The following KCNU1 variants were observed in gnomAD, a reference collection of about 807,000 sequenced individuals.
KCNU1 encodes potassium calcium-activated channel subfamily U member 1.
A neutral mutation model predicts 126.8 loss-of-function variants in KCNU1; 93 were observed. That is an observed-to-expected ratio of 0.73 (90% CI 0.62 to 0.87). The LOEUF is 0.87. Among genes scored for constraint, KCNU1 ranks in the 40% least tolerant of loss-of-function variants. The pLI, the probability that KCNU1 is intolerant of heterozygous loss-of-function variation, is 0.00. For synonymous variants in KCNU1, 523 were observed against 494.2 expected, an observed-to-expected ratio of 1.06 and a Z score of -0.77; for missense variants, 1,330 against 1,367.1, an observed-to-expected ratio of 0.97 and a Z score of 0.43.
intron 23 of KCNU1, among the ~76,000 whole-genome samples, chr8:36,922,034 G>C (rs1808368373): frequency 6.6e-6 from 1 of 152,192 alleles, no homozygotes; most frequent in African/African-American, 2.4e-5. Flanking sequence ...GGGCTTAAGT[G>C]ACTCTAGGAA....
At chr8:36,912,753 C>G (rs745924965) in intron 22 of KCNU1, among the ~76,000 whole-genome samples, 27 of 151,986 alleles carry the variant, frequency 1.8e-4, no homozygotes, top group Admixed American at 9.2e-4. Context: ...GGGGGGATCA[C>G]AAGGTCAGGA....
At chr8:36,820,550 T>C (rs532113900) in intron 10 of KCNU1, among the ~76,000 whole-genome samples, 14 of 151,996 alleles carry the variant, frequency 9.2e-5, no homozygotes, top group African/African-American at 3.4e-4. Flanking sequence ...CTAAGAAGAT[T>C]TCCCAAAAGA....
intron 5 of KCNU1, 86 bp from the exon 6 acceptor site, chr8:36,807,289 A>T: frequency 1.1e-6 from 1 of 886,494 alleles, no homozygotes; most frequent in Non-Finnish European, 1.9e-6. Flanking sequence ...AAAAGAATGT[A>T]AGTGATTCCA....
intron 22 of KCNU1, among the ~76,000 whole-genome samples, chr8:36,914,630 T>C (rs373290430): frequency 2.0e-5 from 3 of 152,280 alleles, no homozygotes; most frequent in Admixed American, 6.5e-5. Flanking sequence ...GTGAGGAATC[T>C]CTGAAGAATC....
chr8:36,818,562 T>C (rs1804006084), intron 10 of KCNU1, among the ~76,000 whole-genome samples: 1 of 152,206 alleles, frequency 6.6e-6, no homozygotes, highest in South Asian at 2.1e-4. Context: ...ATTCTTTTAG[T>C]GTTTAAGATC....
At chr8:36,840,300 G>A (rs993907867) in intron 14 of KCNU1, among the ~76,000 whole-genome samples, 163 bp from the exon 15 acceptor site, 1 of 152,166 alleles carries the variant, frequency 6.6e-6, no homozygotes, top group African/African-American at 2.4e-5. Context: ...TAGCTTTTTA[G>A]TTATTCCTTT....
chr8:36,818,015 A>G (rs1311390316), intron 10 of KCNU1, among the ~76,000 whole-genome samples: 1 of 152,232 alleles, frequency 6.6e-6, no homozygotes, highest in African/African-American at 2.4e-5. Context: ...GTTACTCTAC[A>G]CGTTATTATC....
At chr8:36,814,172 T>A in intron 7 of KCNU1, 35 bp from the exon 8 acceptor site, 1 of 1,559,196 alleles carries the variant, frequency 6.4e-7, no homozygotes, top group Non-Finnish European at 8.8e-7. Context: ...TTGGATTCTA[T>A]TCAGATGTTT....
chr8:36,897,191 T>C (rs1807227096), intron 19 of KCNU1, among the ~76,000 whole-genome samples: 1 of 151,952 alleles, frequency 6.6e-6, no homozygotes, highest in Admixed American at 6.6e-5. Context: ...TGTGTGTGTT[T>C]GGTGGTGATT....
At chr8:36,787,751 G>A (rs1465832657) in intron 2 of KCNU1, among the ~76,000 whole-genome samples, 1 of 147,000 alleles carries the variant, frequency 6.8e-6, no homozygotes, top group Non-Finnish European at 1.5e-5. Context: ...GTAATAATAT[G>A]TAATTGTATA....
chr8:36,867,934 C>T (rs537938154), intron 19 of KCNU1, among the ~76,000 whole-genome samples: 2 of 152,190 alleles, frequency 1.3e-5, no homozygotes, highest in East Asian at 3.9e-4. Context: ...CCCAAGTAGA[C>T]CAGAGATTGT....
At chr8:36,930,746 T>G (rs746452990) in intron 24 of KCNU1, among the ~76,000 whole-genome samples, 2 of 152,154 alleles carry the variant, frequency 1.3e-5, no homozygotes, top group South Asian at 2.1e-4. Context: ...GGGTCAGTAT[T>G]GTTTTCTCTG....
At chr8:36,797,570 T>G (rs1803146426) in intron 2 of KCNU1, among the ~76,000 whole-genome samples, 1 of 152,154 alleles carries the variant, frequency 6.6e-6, no homozygotes, top group South Asian at 2.1e-4. Context: ...AAACCTAATT[T>G]TATCAGTTTT....
intron 24 of KCNU1, chr8:36,929,049 T>C (rs775042539): frequency 1.1e-4 from 74 of 697,724 alleles, no homozygotes; most frequent in Non-Finnish European, 2.3e-5. Flanking sequence ...AAAAGGTAAG[T>C]ATTGCCATGT....
chr8:36,868,826 A>G (rs1027677789), intron 19 of KCNU1, among the ~76,000 whole-genome samples: 14 of 152,158 alleles, frequency 9.2e-5, no homozygotes, highest in African/African-American at 3.4e-4. Flanking sequence ...ATCACATGAT[A>G]TAAGAGAAAG....
chr8:36,920,228 C>T (rs1487650637), intron 23 of KCNU1, among the ~76,000 whole-genome samples: 1 of 152,162 alleles, frequency 6.6e-6, no homozygotes, highest in Non-Finnish European at 1.5e-5. Context: ...CCTGCAGACA[C>T]CAAAATCCAT....
intron 7 of KCNU1, among the ~76,000 whole-genome samples, chr8:36,811,757 C>G (rs1484692690): frequency 3.3e-5 from 5 of 151,460 alleles, no homozygotes; most frequent in Non-Finnish European, 7.4e-5. Flanking sequence ...CATGGCGAAA[C>G]CTCATCTCTA....
intron 10 of KCNU1, among the ~76,000 whole-genome samples, chr8:36,829,921 G>A (rs1390334698): frequency 6.6e-6 from 1 of 150,520 alleles, no homozygotes; most frequent in Non-Finnish European, 1.5e-5. Context: ...TCTTAGTACA[G>A]GAAAAACACA....
chr8:36,792,435 T>G (rs1802936523), intron 2 of KCNU1, among the ~76,000 whole-genome samples: 1 of 152,206 alleles, frequency 6.6e-6, no homozygotes, highest in Non-Finnish European at 1.5e-5. Flanking sequence ...AGATCCTGTC[T>G]TCAAATAGGG....
Sources: gnomAD v4.1 joint callset for allele counts (sites outside exome capture counted in the v4.1 genomes callset) on GRCh38, gnomAD v4.1.1 for gene constraint, MANE v1.5 for transcripts, NCBI Gene and HGNC (gene_info 2026-07-23, HGNC 2026-07-21) for gene names.